Variants in SORCS1 observed in about 807,000 individuals in gnomAD.
SORCS1 encodes the protein VPS10 domain-containing receptor SorCS1.
In SORCS1, 60 loss-of-function variants were observed where a neutral mutation model predicts 146.1. The observed-to-expected ratio is 0.41, with a 90% confidence interval of 0.33 to 0.51. SORCS1 has a LOEUF of 0.51. Among genes scored for constraint, SORCS1 ranks in the 20% least tolerant of loss-of-function variants. The probability of loss-of-function intolerance (pLI) is 0.21; values close to 1 mark genes in which losing one functional copy is unlikely to be tolerated. For synonymous variants in SORCS1, 637 were observed against 584.0 expected (o/e 1.09, Z -1.31); for missense variants, 1,352 against 1,487.6 (o/e 0.91, Z 1.50).
chr10:106,799,096 CT>C (rs1244117509), intron 3 of SORCS1, among the ~76,000 whole-genome samples: 1 of 152,206 alleles, frequency 6.6e-6, no homozygotes, highest in Non-Finnish European at 1.5e-5. Context: ...ACCATCTGAT[CT>C]TTGACAAACC....
At chr10:107,032,679 G>A (rs1293481551) in intron 1 of SORCS1, among the ~76,000 whole-genome samples, 3 of 152,196 alleles carry the variant, frequency 2.0e-5, no homozygotes, top group Admixed American at 6.5e-5. Flanking sequence ...GGTCTTGTGA[G>A]TTGGGCGATT....
chr10:106,760,836 C>T (rs997701214), intron 5 of SORCS1, among the ~76,000 whole-genome samples: 5 of 151,988 alleles, frequency 3.3e-5, no homozygotes, highest in Non-Finnish European at 7.4e-5. Flanking sequence ...GCCAGGCATG[C>T]TGGCTCACAC....
intron 3 of SORCS1, among the ~76,000 whole-genome samples, chr10:106,818,266 T>C (rs1289694899): frequency 2.6e-5 from 4 of 152,340 alleles, no homozygotes; most frequent in African/African-American, 9.6e-5. Flanking sequence ...ATGTCACCAC[T>C]GCCCATTTAC....
chr10:107,126,901 T>A (rs562613587), intron 1 of SORCS1, among the ~76,000 whole-genome samples: 2 of 152,122 alleles, frequency 1.3e-5, no homozygotes, highest in Admixed American at 1.3e-4. Flanking sequence ...ATTGGGAGAA[T>A]ACTTGTAAGC....
At chr10:106,822,009 G>A (rs894940122) in intron 3 of SORCS1, among the ~76,000 whole-genome samples, 3 of 152,050 alleles carry the variant, frequency 2.0e-5, no homozygotes, top group Admixed American at 2.0e-4. Context: ...TAGCAGATAT[G>A]GGGGACAAGA....
chr10:106,889,698 G>A (rs1461379492), intron 2 of SORCS1, among the ~76,000 whole-genome samples: 1 of 152,040 alleles, frequency 6.6e-6, no homozygotes, highest in Non-Finnish European at 1.5e-5. Flanking sequence ...AGGAGATCAA[G>A]ACCATCCTTG....
intron 1 of SORCS1, among the ~76,000 whole-genome samples, chr10:107,105,535 C>G (rs752281237): frequency 6.6e-6 from 1 of 152,118 alleles, no homozygotes; most frequent in Non-Finnish European, 1.5e-5. Context: ...CCCGAGTGCC[C>G]CTGGCAAATC....
At chr10:106,866,883 C>A (rs931331682) in intron 2 of SORCS1, among the ~76,000 whole-genome samples, 7 of 152,132 alleles carry the variant, frequency 4.6e-5, no homozygotes, top group African/African-American at 1.7e-4. Context: ...AAAGGAACAC[C>A]CACATGCAGA....
chr10:106,880,318 T>G (rs1950760683), intron 2 of SORCS1, among the ~76,000 whole-genome samples: 1 of 152,332 alleles, frequency 6.6e-6, no homozygotes, highest in East Asian at 1.9e-4. Context: ...AGACTAGCTT[T>G]GGTGCTAAAA....
chr10:106,843,410 C>T (rs1397053283), intron 2 of SORCS1, among the ~76,000 whole-genome samples: 6 of 144,556 alleles, frequency 4.2e-5, no homozygotes, highest in Non-Finnish European at 7.5e-5. Context: ...ATTCATGTTG[C>T]GGTAAAAGGC....
rs186622096 is a variant in SORCS1, at chr10:106,785,997, C to T, written c.727-9305G>A. 8.0e-4 allele frequency among the ~76,000 whole-genome samples: 122 copies of T among 152,276 alleles called. No individual in the cohort carries two copies. In the East Asian group the frequency reaches 0.016, roughly 20 times the overall value. On this transcript the variant is annotated intron_variant, in intron 3 of 25. Transcript: ENST00000263054. ...GCATAATTACATCATCTGCTGCTTT[C>T]CTCTCTCTTTTTGGATTTCAGTCAC...
intron 24 of SORCS1, among the ~76,000 whole-genome samples, chr10:106,594,627 T>G (rs1845801264): frequency 6.6e-6 from 1 of 152,216 alleles, no homozygotes; most frequent in African/African-American, 2.4e-5. Context: ...CAGGTCTAGC[T>G]TGACCTCCAG....
At chr10:106,926,130 C>G (rs373177003) in intron 2 of SORCS1, among the ~76,000 whole-genome samples, 12 of 140,688 alleles carry the variant, frequency 8.5e-5, no homozygotes, top group African/African-American at 3.0e-4. Context: ...TCAATCCCAG[C>G]TAAAGCATAG....
chr10:106,808,392 C>A (rs1292473536), intron 3 of SORCS1, among the ~76,000 whole-genome samples: 1 of 152,176 alleles, frequency 6.6e-6, no homozygotes, highest in African/African-American at 2.4e-5. Context: ...CTGGCCCTCA[C>A]TCCCATGCAA....
At chr10:106,679,373 C>T (rs768767058) in intron 11 of SORCS1, 41 bp from the exon 12 acceptor site, 2 of 1,487,824 alleles carry the variant, frequency 1.3e-6, no homozygotes, top group Admixed American at 1.7e-5. Context: ...GAACTTTCTG[C>T]AAAAGCAACA....
chr10:106,931,705 C>CT (rs34724732), intron 2 of SORCS1, among the ~76,000 whole-genome samples: 1 of 152,080 alleles, frequency 6.6e-6, no homozygotes, highest in Non-Finnish European at 1.5e-5. Flanking sequence ...GGGATAAGTC[C>CT]TTTTTTTAGG....
At chr10:106,966,366 A>G (rs1023025) in intron 1 of SORCS1, among the ~76,000 whole-genome samples, 112,535 of 152,154 alleles carry the variant, frequency 0.74, 41,872 homozygotes, top group East Asian at 0.84. Context: ...AAAATGGTAG[A>G]AACAGTGGAC....
intron 2 of SORCS1, among the ~76,000 whole-genome samples, chr10:106,882,177 G>A (rs1475535262): frequency 6.6e-6 from 1 of 152,042 alleles, no homozygotes. Flanking sequence ...TCTACCAGAG[G>A]TATCCAATCT....
chr10:106,977,443 T>C (rs1956074887), intron 1 of SORCS1, among the ~76,000 whole-genome samples: 1 of 152,202 alleles, frequency 6.6e-6, no homozygotes, highest in Admixed American at 6.5e-5. Flanking sequence ...TTTTGTCAGA[T>C]GGGTCGATTG....
Sources: allele counts gnomAD v4.1 joint callset (sites outside exome capture counted in the v4.1 genomes callset), GRCh38; gene constraint gnomAD v4.1.1; transcripts MANE v1.5; gene names NCBI Gene and HGNC (gene_info 2026-07-23, HGNC 2026-07-21).